Variants in PDXDC1 observed in about 807,000 individuals in gnomAD.
The protein encoded by PDXDC1 is pyridoxal-dependent decarboxylase domain-containing protein 1.
In PDXDC1, 42 loss-of-function variants were observed where a neutral mutation model predicts 100.1. That is an observed-to-expected ratio of 0.42 (90% CI 0.33 to 0.54). The LOEUF (loss-of-function observed/expected upper bound fraction) is 0.54. Ranked by LOEUF, PDXDC1 falls within the 20% of genes least tolerant of loss-of-function variation. PDXDC1 has a pLI of 0.10. For synonymous variants in PDXDC1, 260 were observed against 371.7 expected (o/e 0.70, Z 3.46); for missense variants, 636 against 979.2 (o/e 0.65, Z 4.68).
intron 16 of PDXDC1, among the ~76,000 whole-genome samples, chr16:15,048,305 G>C (rs1207836315): frequency 6.6e-6 from 1 of 152,160 alleles, no homozygotes; most frequent in East Asian, 1.9e-4. Flanking sequence ...TCTGCGCGGT[G>C]GTTTTTTTAA....
chr16:15,073,081 C>T (rs1366901752), intron 16 of PDXDC1: 1 of 1,603,038 alleles, frequency 6.2e-7, no homozygotes, highest in Non-Finnish European at 8.5e-7. Context: ...TCAACCTTAC[C>T]TATGGAGAAA....
the PDXDC1 span, among the ~76,000 whole-genome samples, chr16:15,151,952 A>C: frequency 6.0e-5 from 7 of 117,262 alleles, no homozygotes; most frequent in East Asian, 2.4e-4. Context: ...AAAAAAAAAA[A>C]ACACATGGGT....
chr16:14,990,704 C>A (rs1377681469), intron 1 of PDXDC1, among the ~76,000 whole-genome samples: 1 of 152,282 alleles, frequency 6.6e-6, no homozygotes, highest in Non-Finnish European at 1.5e-5. Context: ...ACCCACTCCC[C>A]CCTGGGCTTA....
At chr16:15,098,414 T>C (rs2046431768) in intron 16 of PDXDC1, among the ~76,000 whole-genome samples, 1 of 151,868 alleles carries the variant, frequency 6.6e-6, no homozygotes. Flanking sequence ...TTGCCCAGGC[T>C]GGTCTCAAAT....
chr16:15,152,149 G>A, the PDXDC1 span, among the ~76,000 whole-genome samples: 1 of 137,040 alleles, frequency 7.3e-6, no homozygotes, highest in African/African-American at 2.5e-5. Flanking sequence ...AAGGCAGGCT[G>A]TGGCCTCAGA....
chr16:15,072,013 C>A (rs1396580927), intron 16 of PDXDC1, among the ~76,000 whole-genome samples: 1 of 152,130 alleles, frequency 6.6e-6, no homozygotes, highest in African/African-American at 2.4e-5. Context: ...TACGGACTAA[C>A]GCACAGCTGG....
chr16:15,145,997 G>A, the PDXDC1 span, among the ~76,000 whole-genome samples: 7 of 152,214 alleles, frequency 4.6e-5, no homozygotes, highest in African/African-American at 9.6e-5. Context: ...CACGAGCAGG[G>A]GGAGAGGCAC....
downstream of PDXDC1, among the ~76,000 whole-genome samples, chr16:15,039,281 C>T (rs961029329): frequency 2.0e-5 from 3 of 152,122 alleles, no homozygotes; most frequent in African/African-American, 7.2e-5. Context: ...TTGAGAAGTC[C>T]TAAAAATGTT....
chr16:15,133,668 C>A (rs2048214323), intron 16 of PDXDC1: 19 of 1,570,730 alleles, frequency 1.2e-5, no homozygotes, highest in Non-Finnish European at 1.6e-5. Flanking sequence ...AGGGCGTACA[C>A]CAGCGGGGCG....
intron 12 of PDXDC1, among the ~76,000 whole-genome samples, chr16:15,020,240 A>G (rs1182438322): frequency 6.6e-6 from 1 of 152,226 alleles, no homozygotes; most frequent in Non-Finnish European, 1.5e-5. Context: ...TATAAATTAT[A>G]TGACAAGGAT....
At chr16:15,102,621 G>C (rs1019636627) in intron 16 of PDXDC1, among the ~76,000 whole-genome samples, 36 of 151,410 alleles carry the variant, frequency 2.4e-4, no homozygotes, top group Admixed American at 1.1e-3. Context: ...GGGGCCAAAG[G>C]AATCATTACC....
downstream of PDXDC1, chr16:15,038,423 T>C (rs756066315): frequency 3.2e-6 from 2 of 625,832 alleles, no homozygotes; most frequent in Non-Finnish European, 2.8e-6. Context: ...CCATTTGATA[T>C]ACAAGTTAAA....
intron 16 of PDXDC1, among the ~76,000 whole-genome samples, chr16:15,031,495 T>C (rs576543837): frequency 3.9e-5 from 6 of 152,300 alleles, no homozygotes; most frequent in Admixed American, 2.6e-4. Flanking sequence ...CACTGGAGTA[T>C]GTCATTGTGG....
At position 15,129,478 on chromosome 16, in the gene PDXDC1, G is replaced by T. The variant is rs555997257; in HGVS notation, c.1400-9401G>T. On this transcript the variant is annotated intron_variant, in intron 16 of 16. Transcript: ENST00000535621. ...CGAAAACAAAAAGGGAATGCCAGAA[G>T]GGCAATTCCAATGAAAGGAAAATAG... Among the ~76,000 whole-genome samples, 7 of 152,340 alleles carry T rather than the reference G, an allele frequency of 4.6e-5. No homozygotes were observed. In the South Asian group the frequency reaches 1.4e-3, roughly 32 times the overall value.
At chr16:15,127,184 A>G in intron 16 of PDXDC1, 1 of 396,322 alleles carries the variant, frequency 2.5e-6, no homozygotes, top group Non-Finnish European at 4.9e-6. Flanking sequence ...AAGCGTGCAC[A>G]GCCGCGTGCT....
chr16:15,087,918 G>A (rs1433468541), intron 16 of PDXDC1, among the ~76,000 whole-genome samples: 6 of 152,080 alleles, frequency 3.9e-5, no homozygotes, highest in South Asian at 2.1e-4. Flanking sequence ...AGTTCGAGAT[G>A]AGCCTAACCA....
intron 16 of PDXDC1, among the ~76,000 whole-genome samples, chr16:15,129,083 G>C (rs2047915759): frequency 6.6e-6 from 1 of 151,736 alleles, no homozygotes; most frequent in Non-Finnish European, 1.5e-5. Context: ...CGGATTACAG[G>C]TGTGAGCCAC....
chr16:15,065,466 G>A lies in PDXDC1; in HGVS notation c.1399+35410G>A, dbSNP rs2044929627. ...GCGTGTGACAACTGTACCTACCACA[G>A]AGAAATTGCTGAATATAACAAGTGC... On this transcript the variant is annotated intron_variant, in intron 16 of 16. Coordinates refer to the PDXDC1 transcript ENST00000535621. 18 of 1,014,904 alleles carry A rather than the reference G, an allele frequency of 1.8e-5. No individual in the cohort carries two copies. The South Asian group carries it at 2.9e-4, about 16-fold the overall frequency. 62.9% of individuals were successfully genotyped at this position (1,014,904 alleles called of 1,614,324 possible).
At position 15,111,509 on chromosome 16, in the gene PDXDC1, T is replaced by G. The variant is rs919053083; in HGVS notation, c.1400-27370T>G. ...GTGTGGTAGCTCACGCCTGTAATCC[T>G]AGCACTTTGGGAGGCCGAGGCGGGT... On this transcript the variant is annotated intron_variant, in intron 16 of 16. Transcript: ENST00000535621. Among the ~76,000 whole-genome samples the G allele has an allele frequency of 4.5e-4, 66 of 145,148 alleles. 2 individuals are homozygous for G. Among genetic ancestry groups the G allele is most frequent in the African/African-American group, 1.5e-3 (62 of 40,144 alleles).
Sources: allele counts gnomAD v4.1 joint callset (sites outside exome capture counted in the v4.1 genomes callset), GRCh38; gene constraint gnomAD v4.1.1; transcripts MANE v1.5; gene names NCBI Gene and HGNC (gene_info 2026-07-23, HGNC 2026-07-21).